SDK1: variants seen among roughly 807,000 people sequenced by gnomAD.
SDK1 encodes protein sidekick-1.
SDK1 carries 157 observed loss-of-function variants against 245.5 expected under a neutral mutation model. That is an observed-to-expected ratio of 0.64 (90% CI 0.56 to 0.73). SDK1 has a LOEUF of 0.73. Ranked by LOEUF, SDK1 falls within the 30% of genes least tolerant of loss-of-function variation. The pLI is 0.00. For missense variants in SDK1, 3,583 were observed against 3,002.3 expected (o/e 1.19, Z -4.52); for synonymous variants, 1,647 against 1,278.5 (o/e 1.29, Z -6.15).
chr7:3,313,990 G>A (rs995154954), intron 1 of SDK1, among the ~76,000 whole-genome samples: 4 of 152,184 alleles, frequency 2.6e-5, no homozygotes, highest in African/African-American at 9.7e-5. Context: ...ATAAAGTGCT[G>A]TGTTAAAGGT....
chr7:4,029,201 TC>T (rs1787596181), intron 17 of SDK1, among the ~76,000 whole-genome samples: 1 of 140,318 alleles, frequency 7.1e-6, no homozygotes, highest in South Asian at 2.2e-4. Context: ...TGATTTTCTT[TC>T]TTTTATTCTT....
chr7:3,600,892 C>T (rs1781234187), intron 1 of SDK1, among the ~76,000 whole-genome samples: 1 of 152,132 alleles, frequency 6.6e-6, no homozygotes, highest in African/African-American at 2.4e-5. Flanking sequence ...ATTGACAGAA[C>T]TCCTCTCTAT....
chr7:3,349,408 G>A (rs1323133494), intron 1 of SDK1, among the ~76,000 whole-genome samples: 2 of 152,094 alleles, frequency 1.3e-5, no homozygotes, highest in African/African-American at 4.8e-5. Context: ...GGCTGGGGAG[G>A]GAGGGGGTTA....
intron 1 of SDK1, among the ~76,000 whole-genome samples, chr7:3,608,649 G>C (rs79101239): frequency 0.031 from 4,723 of 152,228 alleles, 220 homozygotes; most frequent in African/African-American, 0.1. Context: ...ATAATGAAAC[G>C]TGTCAACGTT....
intron 22 of SDK1, among the ~76,000 whole-genome samples, chr7:4,102,581 A>C (rs554700159): frequency 1.3e-4 from 20 of 152,234 alleles, no homozygotes; most frequent in Admixed American, 1.1e-3. Flanking sequence ...GATGAGGTTA[A>C]TGACTCTCCT....
intron 41 of SDK1, among the ~76,000 whole-genome samples, chr7:4,237,138 C>T (rs1025477911): frequency 6.6e-6 from 1 of 152,144 alleles, no homozygotes; most frequent in African/African-American, 2.4e-5. Context: ...GCCATCCTCC[C>T]ACCTCAGCCT....
At chr7:4,054,485 G>A (rs986825766) in intron 19 of SDK1, among the ~76,000 whole-genome samples, 1 of 152,112 alleles carries the variant, frequency 6.6e-6, no homozygotes, top group Non-Finnish European at 1.5e-5. Context: ...TTTGACACAT[G>A]TGTAGGTTTG....
At chr7:3,508,484 T>A (rs1189757045) in intron 1 of SDK1, among the ~76,000 whole-genome samples, 4 of 151,894 alleles carry the variant, frequency 2.6e-5, no homozygotes, top group Non-Finnish European at 5.9e-5. Flanking sequence ...CCCGCCACCA[T>A]GCCTGACTAA....
chr7:3,906,212 C>T (rs1249074665), intron 5 of SDK1, among the ~76,000 whole-genome samples: 1 of 152,144 alleles, frequency 6.6e-6, no homozygotes, highest in African/African-American at 2.4e-5. Flanking sequence ...ATTTGCTACT[C>T]TTCAAATCCA....
intron 1 of SDK1, among the ~76,000 whole-genome samples, chr7:3,473,107 C>T (rs542296314): frequency 9.2e-5 from 14 of 152,124 alleles, no homozygotes; most frequent in African/African-American, 1.9e-4. Flanking sequence ...ACACATTTAC[C>T]GGAGCATCAC....
In SDK1 at chr7:4,104,438, T is replaced by A. The variant is rs1012334515; in HGVS notation, c.3325-6225T>A. Reference sequence around the variant, plus strand: ...TGTGTTTGACTTACTGTTTGTTGATTTGGCCCAGACTCTGTGAAGTTGGAT... The same window carrying A: ...TGTGTTTGACTTACTGTTTGTTGATATGGCCCAGACTCTGTGAAGTTGGAT... On this transcript the variant is annotated intron_variant, in intron 22 of 44. Coordinates refer to ENST00000404826, the MANE Select transcript of SDK1 (RefSeq NM_152744.4). Among the ~76,000 whole-genome samples the A allele has an allele frequency of 2.0e-5, 3 of 152,320 alleles. 1 individual carries two copies. The South Asian group carries it at 6.2e-4, about 32-fold the overall frequency.
chr7:3,473,164 A>G (rs530095973), intron 1 of SDK1, among the ~76,000 whole-genome samples: 120 of 152,300 alleles, frequency 7.9e-4, no homozygotes, highest in Non-Finnish European at 1.4e-3. Flanking sequence ...TGAAGATGAG[A>G]AAACACACCT....
At chr7:3,897,587 T>C (rs1562520682) in intron 5 of SDK1, among the ~76,000 whole-genome samples, 1 of 152,242 alleles carries the variant, frequency 6.6e-6, no homozygotes, top group Non-Finnish European at 1.5e-5. Context: ...ATATTATGTC[T>C]TTCCTTTCAT....
intron 5 of SDK1, among the ~76,000 whole-genome samples, chr7:3,942,618 C>G (rs1012936800): frequency 2.0e-5 from 3 of 152,048 alleles, no homozygotes; most frequent in Non-Finnish European, 2.9e-5. Flanking sequence ...CTTGTTTCTA[C>G]AAGTTTTAGA....
chr7:3,428,102 A>G (rs545224130), intron 1 of SDK1, among the ~76,000 whole-genome samples: 2 of 152,294 alleles, frequency 1.3e-5, no homozygotes, highest in Admixed American at 6.5e-5. Flanking sequence ...TGGCAGCACA[A>G]CTATATGCTT....
At chr7:3,753,279 T>C (rs1779826498) in intron 4 of SDK1, among the ~76,000 whole-genome samples, 1 of 152,224 alleles carries the variant, frequency 6.6e-6, no homozygotes, top group African/African-American at 2.4e-5. Context: ...TTCCCTGGAA[T>C]CTATTGCTAT....
At chr7:3,647,417 A>C (rs1258237563) in intron 4 of SDK1, among the ~76,000 whole-genome samples, 1 of 152,096 alleles carries the variant, frequency 6.6e-6, no homozygotes, top group Non-Finnish European at 1.5e-5. Flanking sequence ...AAATACATCA[A>C]GCTCTTTTCT....
intron 36 of SDK1, among the ~76,000 whole-genome samples, chr7:4,207,212 G>A (rs1009328592): frequency 2.6e-5 from 4 of 152,296 alleles, no homozygotes; most frequent in African/African-American, 9.6e-5. Context: ...GCCCTGGGGC[G>A]CTCCAGGCTG....
In SDK1 at chr7:3,951,888, C is replaced by T. The variant is rs557260722; in HGVS notation, c.1118C>T (p.Pro373Leu). 7.3e-5 allele frequency: 118 copies of T among 1,613,326 alleles called. No individual in the cohort carries two copies. The highest frequency in any genetic ancestry group is 3.3e-4 in the Middle Eastern group (2 of 6,044). Residue 373 changes from proline to leucine, a missense_variant, in exon 7 of 45, where the codon CCG becomes CTG. Transcript: ENST00000404826. ...EAALPGSAFE[P>L]ARATAFLFII... Reference sequence around the variant, plus strand: ...GCGCTGCCGGGGAGCGCTTTTGAACCGGCCAGGGCGACGGCCTTTCTTTTC... The same window carrying T: ...GCGCTGCCGGGGAGCGCTTTTGAACTGGCCAGGGCGACGGCCTTTCTTTTC...
Sources: gnomAD v4.1 joint callset for allele counts (sites outside exome capture counted in the v4.1 genomes callset) on GRCh38, gnomAD v4.1.1 for gene constraint, MANE v1.5 for transcripts, NCBI Gene and HGNC (gene_info 2026-07-23, HGNC 2026-07-21) for gene names.